RBFOX1: variants seen among roughly 807,000 people sequenced by gnomAD.
RBFOX1 encodes the protein RNA binding protein fox-1 homolog 1.
In RBFOX1, 8 loss-of-function variants were observed where a neutral mutation model predicts 57.7. The observed-to-expected ratio is 0.14, with a 90% confidence interval of 0.08 to 0.25. RBFOX1 has a LOEUF of 0.25. Ranked by LOEUF, RBFOX1 falls within the 10% of genes least tolerant of loss-of-function variation. The probability of loss-of-function intolerance (pLI) is 1.00; values close to 1 mark genes in which losing one functional copy is unlikely to be tolerated. For synonymous variants in RBFOX1, 326 were observed against 222.4 expected (o/e 1.47, Z -4.15); for missense variants, 611 against 548.5 (o/e 1.11, Z -1.14).
chr16:6,607,893 T>A (rs1487458230), intron 2 of RBFOX1, among the ~76,000 whole-genome samples: 1 of 152,170 alleles, frequency 6.6e-6, no homozygotes, highest in East Asian at 1.9e-4. Context: ...ACAAACCTCC[T>A]TGTTTCTGGA....
intron 4 of RBFOX1, among the ~76,000 whole-genome samples, chr16:7,318,607 C>G (rs73561857): frequency 6.6e-6 from 1 of 152,106 alleles, no homozygotes. Flanking sequence ...ATCAGAATAG[C>G]GTTCCTATAA....
intron 4 of RBFOX1, among the ~76,000 whole-genome samples, chr16:7,191,123 T>A (rs1309741095): frequency 6.6e-6 from 1 of 152,122 alleles, no homozygotes; most frequent in African/African-American, 2.4e-5. Context: ...GGAAAATCCA[T>A]CTTAATTCTT....
intron 4 of RBFOX1, among the ~76,000 whole-genome samples, chr16:7,500,675 T>A (rs2070462058): frequency 6.6e-6 from 1 of 152,228 alleles, no homozygotes; most frequent in African/African-American, 2.4e-5. Context: ...TTCCACTAAA[T>A]AGATGTGAAT....
Position 6,361,455 on chromosome 16 carries a change from C to T in RBFOX1, c.-64+44398C>T, listed in dbSNP as rs991009962. Among the ~76,000 whole-genome samples, 67 of 151,896 alleles carry T rather than the reference C, an allele frequency of 4.4e-4. 1 individual carries two copies. The highest frequency in any genetic ancestry group is 1.5e-4 in the Non-Finnish European group (10 of 67,980). On this transcript the variant is annotated intron_variant, in intron 2 of 15. Transcript: ENST00000550418. Reference sequence around the variant, plus strand: ...CCAGCCTGGCCAATATGGTGACACCCCGTGTCTACTAAAACTACAAAAATT... The same window carrying T: ...CCAGCCTGGCCAATATGGTGACACCTCGTGTCTACTAAAACTACAAAAATT...
chr16:6,651,679 C>T (rs1361210271), intron 2 of RBFOX1, among the ~76,000 whole-genome samples: 2 of 152,050 alleles, frequency 1.3e-5, no homozygotes, highest in Non-Finnish European at 2.9e-5. Flanking sequence ...ATTGAATTAC[C>T]ATAGGGTTTG....
At chr16:7,346,508 A>G (rs1417086256) in intron 4 of RBFOX1, among the ~76,000 whole-genome samples, 2 of 151,876 alleles carry the variant, frequency 1.3e-5, no homozygotes, top group African/African-American at 2.4e-5. Flanking sequence ...CATTGGTTCT[A>G]AACTCCCAAG....
intron 3 of RBFOX1, among the ~76,000 whole-genome samples, chr16:5,779,732 T>C (rs1310748559): frequency 6.6e-6 from 1 of 152,192 alleles, no homozygotes; most frequent in Non-Finnish European, 1.5e-5. Context: ...TGTATTGCCC[T>C]GATATTTGGC....
intron 10 of RBFOX1, among the ~76,000 whole-genome samples, chr16:7,612,305 A>T (rs1003308765): frequency 1.3e-4 from 16 of 121,096 alleles, no homozygotes; most frequent in Non-Finnish European, 2.2e-4. Flanking sequence ...TGGGTAACAG[A>T]GCGAGACTCC....
chr16:6,266,342 G>A (rs544466623), intron 1 of RBFOX1, among the ~76,000 whole-genome samples: 18 of 152,158 alleles, frequency 1.2e-4, no homozygotes, highest in East Asian at 3.8e-4. Flanking sequence ...ATGATATTCC[G>A]TTGTGTCTCA....
chr16:5,650,415 C>T (rs979424230), intron 3 of RBFOX1, among the ~76,000 whole-genome samples: 1 of 152,046 alleles, frequency 6.6e-6, no homozygotes, highest in African/African-American at 2.4e-5. Flanking sequence ...GCAAGTGGTG[C>T]GGGAGAGGCA....
At chr16:5,763,331 G>A (rs973486325) in intron 3 of RBFOX1, among the ~76,000 whole-genome samples, 2 of 152,180 alleles carry the variant, frequency 1.3e-5, no homozygotes, top group African/African-American at 4.8e-5. Flanking sequence ...TGTTCATGCT[G>A]CTCGTTGCCC....
intron 8 of RBFOX1, among the ~76,000 whole-genome samples, chr16:7,596,369 T>G (rs1020217224): frequency 2.0e-5 from 3 of 151,908 alleles, no homozygotes; most frequent in African/African-American, 7.3e-5. Context: ...TTTGTTAATT[T>G]TTTTTTTAAT....
intron 3 of RBFOX1, among the ~76,000 whole-genome samples, chr16:6,850,516 G>A (rs1012419112): frequency 2.0e-5 from 3 of 151,968 alleles, no homozygotes; most frequent in Admixed American, 2.0e-4. Flanking sequence ...GATGGGAGAG[G>A]AAGTTGGAGG....
At chr16:6,893,008 A>G (rs965796538) in intron 3 of RBFOX1, among the ~76,000 whole-genome samples, 1 of 152,086 alleles carries the variant, frequency 6.6e-6, no homozygotes, top group Non-Finnish European at 1.5e-5. Flanking sequence ...ATTACTTTTC[A>G]TTGCAAACAC....
intron 3 of RBFOX1, among the ~76,000 whole-genome samples, chr16:6,672,051 G>A (rs900604113): frequency 1.3e-5 from 2 of 152,280 alleles, no homozygotes; most frequent in African/African-American, 4.8e-5. Flanking sequence ...TTTGGAATAG[G>A]TGAACCCATC....
intron 14 of RBFOX1, among the ~76,000 whole-genome samples, chr16:7,703,098 T>G (rs1469354367): frequency 6.9e-6 from 1 of 145,868 alleles, no homozygotes; most frequent in African/African-American, 2.5e-5. Flanking sequence ...GAGCATGCTT[T>G]TAGAACCACT....
intron 4 of RBFOX1, among the ~76,000 whole-genome samples, chr16:7,453,636 A>G (rs1686289885): frequency 6.6e-6 from 1 of 152,042 alleles, no homozygotes; most frequent in African/African-American, 2.4e-5. Flanking sequence ...TAAAGCGTGT[A>G]TAGAGGATGT....
At chr16:7,583,148 C>CTTTTTTTT (rs34658435) in intron 6 of RBFOX1, among the ~76,000 whole-genome samples, 4 of 132,388 alleles carry the variant, frequency 3.0e-5, no homozygotes, top group Admixed American at 1.5e-4. Context: ...TCTAGCTCAT[C>CTTTTTTTT]TTTTTTTTTT....
At chr16:7,337,675 T>A (rs2096817952) in intron 4 of RBFOX1, among the ~76,000 whole-genome samples, 1 of 152,134 alleles carries the variant, frequency 6.6e-6, no homozygotes, top group African/African-American at 2.4e-5. Flanking sequence ...TTTTTGTGTT[T>A]GTTTTTGTTT....
Sources: gnomAD v4.1 joint callset for allele counts (sites outside exome capture counted in the v4.1 genomes callset) on GRCh38, gnomAD v4.1.1 for gene constraint, MANE v1.5 for transcripts, NCBI Gene and HGNC (gene_info 2026-07-23, HGNC 2026-07-21) for gene names.